SCOC: variants seen among roughly 807,000 people sequenced by gnomAD.
SCOC encodes the protein short coiled-coil protein, also known as short coiled coil protein.
Under a neutral mutation model 9.9 loss-of-function variants are expected in SCOC, and 7 were observed. The ratio of observed to expected loss-of-function variants is 0.71; its 90% confidence interval spans 0.40 to 1.33. The LOEUF (loss-of-function observed/expected upper bound fraction) is 1.33. Ranked by LOEUF, SCOC falls within the 40% of genes most tolerant of loss-of-function variation. The probability of loss-of-function intolerance (pLI) is 0.01; values close to 1 mark genes in which losing one functional copy is unlikely to be tolerated. For synonymous variants in SCOC, 19 were observed against 28.2 expected (o/e 0.67, Z 1.03); for missense variants, 66 against 89.7 (o/e 0.74, Z 1.07).
At chr4:140,276,160 G>A (rs1029390335) in intron 1 of SCOC, among the ~76,000 whole-genome samples, 23 of 151,930 alleles carry the variant, frequency 1.5e-4, no homozygotes, top group Non-Finnish European at 1.5e-4. Context: ...CCGCCACCAC[G>A]CCCGTCTAAA....
intron 1 of SCOC, among the ~76,000 whole-genome samples, chr4:140,296,874 C>T (rs974558372): frequency 4.6e-5 from 7 of 152,168 alleles, no homozygotes; most frequent in Non-Finnish European, 1.0e-4. Flanking sequence ...CTGAGTGACT[C>T]TCCTCCTGTC....
At chr4:140,276,790 G>A (rs1730994779) in intron 1 of SCOC, among the ~76,000 whole-genome samples, 1 of 151,998 alleles carries the variant, frequency 6.6e-6, no homozygotes, top group Non-Finnish European at 1.5e-5. Context: ...AAAAAACCAT[G>A]TCTGGGAGTC....
At chr4:140,336,482 G>A (rs1254430860) in intron 1 of SCOC, among the ~76,000 whole-genome samples, 1 of 152,048 alleles carries the variant, frequency 6.6e-6, no homozygotes, top group Non-Finnish European at 1.5e-5. Context: ...TAAAATATGT[G>A]GCCTTTTGTG....
At chr4:140,268,143 C>A (rs2126397589) in intron 1 of SCOC, among the ~76,000 whole-genome samples, 1 of 152,280 alleles carries the variant, frequency 6.6e-6, no homozygotes, top group East Asian at 1.9e-4. Context: ...GCATCAGTGG[C>A]ACCAGAGAGC....
chr4:140,374,214 G>T (rs780799241), intron 1 of SCOC: 5 of 455,302 alleles, frequency 1.1e-5, no homozygotes, highest in Non-Finnish European at 2.2e-5. Flanking sequence ...CGGCGAAAGC[G>T]GCACCTGGGT....
chr4:140,354,348 C>A (rs1461204394), intron 2 of SCOC, among the ~76,000 whole-genome samples: 2 of 152,080 alleles, frequency 1.3e-5, no homozygotes, highest in African/African-American at 2.4e-5. Context: ...AATGGAATTT[C>A]TGTAATAAAA....
At chr4:140,361,788 A>ATTC (rs1727481957) in intron 2 of SCOC, among the ~76,000 whole-genome samples, 1 of 152,210 alleles carries the variant, frequency 6.6e-6, no homozygotes, top group African/African-American at 2.4e-5. Context: ...TGTGAGTGAC[A>ATTC]AGAATGGATT....
intron 1 of SCOC, among the ~76,000 whole-genome samples, chr4:140,279,436 A>T (rs1027201640): frequency 1.6e-4 from 24 of 152,156 alleles, no homozygotes; most frequent in Non-Finnish European, 4.4e-5. Context: ...CACTGAAGTG[A>T]TTGGCACATG....
intron 1 of SCOC, among the ~76,000 whole-genome samples, chr4:140,305,739 G>A (rs1448364542): frequency 5.3e-5 from 8 of 152,138 alleles, no homozygotes; most frequent in Admixed American, 2.0e-4. Flanking sequence ...CTGCAATTGG[G>A]AGCTCACGAA....
chr4:140,319,659 A>G (rs1732440223), intron 1 of SCOC, among the ~76,000 whole-genome samples: 2 of 152,120 alleles, frequency 1.3e-5, no homozygotes, highest in South Asian at 4.2e-4. Flanking sequence ...GATCAAGTTA[A>G]TGCTGGAGAA....
At chr4:140,318,095 T>A (rs972995068) in intron 1 of SCOC, among the ~76,000 whole-genome samples, 1 of 151,988 alleles carries the variant, frequency 6.6e-6, no homozygotes, top group Non-Finnish European at 1.5e-5. Context: ...ATCCAGTTGA[T>A]TTAAACGTTA....
intron 2 of SCOC, among the ~76,000 whole-genome samples, chr4:140,356,260 T>A (rs1727225308): frequency 6.6e-6 from 1 of 152,248 alleles, no homozygotes. Context: ...TCTGTTTTGT[T>A]CCTAAGTTAT....
At chr4:140,297,012 A>T (rs934903775) in intron 1 of SCOC, among the ~76,000 whole-genome samples, 3 of 152,172 alleles carry the variant, frequency 2.0e-5, no homozygotes, top group Admixed American at 2.0e-4. Context: ...CTGCAGCCTC[A>T]TCGCACAAAA....
chr4:140,373,773 C>T (rs535317984), intron 1 of SCOC, 56 bp downstream of exon 1: 8 of 1,495,014 alleles, frequency 5.4e-6, no homozygotes, highest in African/African-American at 1.4e-5. Flanking sequence ...GAGCTGCATC[C>T]TCAGTACCTC....
At chr4:140,362,313 T>TCTTCTCCTTCTTCTCCTTCTTCTCC (rs1727594134) in intron 2 of SCOC, among the ~76,000 whole-genome samples, 1 of 84,180 alleles carries the variant, frequency 1.2e-5, no homozygotes, top group Non-Finnish European at 2.7e-5. Context: ...TTTTTTTTTT[T>TCTTCTCCTTCTTCTCCTTCTTCTCC]TTGTGAGAGT....
intron 1 of SCOC, among the ~76,000 whole-genome samples, chr4:140,308,150 G>T (rs370961949): frequency 6.6e-6 from 1 of 152,196 alleles, no homozygotes; most frequent in East Asian, 1.9e-4. Flanking sequence ...GCCACAATTT[G>T]CTGGTTCTTA....
intron 1 of SCOC, chr4:140,283,793 G>T (rs540089791): frequency 4.6e-5 from 7 of 152,142 alleles, no homozygotes; most frequent in Non-Finnish European, 1.0e-4. Context: ...ACAGTCTCAA[G>T]ATTAAATGCT....
At chr4:140,318,000 C>T (rs1184898397) in intron 1 of SCOC, among the ~76,000 whole-genome samples, 13 of 151,406 alleles carry the variant, frequency 8.6e-5, no homozygotes, top group East Asian at 1.9e-4. Flanking sequence ...TTTCCAATTT[C>T]ATCCATGTCC....
chr4:140,303,465 C>T (rs557313588), intron 1 of SCOC, among the ~76,000 whole-genome samples: 1 of 152,186 alleles, frequency 6.6e-6, no homozygotes, highest in Non-Finnish European at 1.5e-5. Flanking sequence ...GGGGTGACTA[C>T]AGAAGCCCCT....
Sources: gnomAD v4.1 joint callset for allele counts (sites outside exome capture counted in the v4.1 genomes callset) on GRCh38, gnomAD v4.1.1 for gene constraint, MANE v1.5 for transcripts, NCBI Gene and HGNC (gene_info 2026-07-23, HGNC 2026-07-21) for gene names.